LUZP2: variants seen among roughly 807,000 people sequenced by gnomAD.
The protein encoded by LUZP2 is leucine zipper protein 2.
Under a neutral mutation model 51.6 loss-of-function variants are expected in LUZP2, and 52 were observed. The observed-to-expected ratio is 1.01, with a 90% CI of 0.81 to 1.27. The LOEUF is 1.27. Among genes scored for constraint, LUZP2 ranks in the 50% most tolerant of loss-of-function variants. The pLI, the probability that LUZP2 is intolerant of heterozygous loss-of-function variation, is 0.00. For synonymous variants in LUZP2, 154 were observed against 137.3 expected, an observed-to-expected ratio of 1.12 and a Z score of -0.85; for missense variants, 436 against 395.4, an observed-to-expected ratio of 1.10 and a Z score of -0.87.
intron 9 of LUZP2, among the ~76,000 whole-genome samples, chr11:25,042,020 G>A (rs2134007747): frequency 1.3e-5 from 2 of 152,282 alleles, no homozygotes; most frequent in Middle Eastern, 6.8e-3. Flanking sequence ...CCCCATTCAT[G>A]GAAAAATTGT....
intron 9 of LUZP2, among the ~76,000 whole-genome samples, chr11:25,028,749 C>G (rs1320450352): frequency 6.6e-6 from 1 of 151,510 alleles, no homozygotes; most frequent in Admixed American, 6.6e-5. Context: ...TTTGAAAATC[C>G]AGTTCATCCA....
intron 7 of LUZP2, among the ~76,000 whole-genome samples, chr11:24,921,737 T>C (rs1158290544): frequency 6.6e-6 from 1 of 152,218 alleles, no homozygotes; most frequent in Non-Finnish European, 1.5e-5. Flanking sequence ...TGTGCATATA[T>C]TAAATGCATA....
chr11:24,599,910 A>G (rs1201223958), intron 1 of LUZP2, among the ~76,000 whole-genome samples: 1 of 152,156 alleles, frequency 6.6e-6, no homozygotes, highest in Non-Finnish European at 1.5e-5. Context: ...TTCACACATA[A>G]GCATGGGTTA....
intron 1 of LUZP2, among the ~76,000 whole-genome samples, chr11:24,543,518 TAC>T (rs1851443007): frequency 1.3e-5 from 2 of 152,148 alleles, no homozygotes; most frequent in South Asian, 4.2e-4. Flanking sequence ...CCTTGAGACA[TAC>T]AGTTTGTATT....
chr11:24,991,759 A>G (rs942088630), intron 9 of LUZP2, among the ~76,000 whole-genome samples: 3 of 152,032 alleles, frequency 2.0e-5, no homozygotes, highest in Non-Finnish European at 4.4e-5. Flanking sequence ...GATTATGGCC[A>G]TTCTTGCAGA....
chr11:24,976,046 C>T (rs754152138), intron 7 of LUZP2, among the ~76,000 whole-genome samples: 2 of 151,950 alleles, frequency 1.3e-5, no homozygotes, highest in Admixed American at 1.3e-4. Context: ...CCTTCTCTGT[C>T]TGCCCTCACT....
intron 5 of LUZP2, among the ~76,000 whole-genome samples, chr11:24,783,512 T>C (rs1849151736): frequency 6.6e-6 from 1 of 152,076 alleles, no homozygotes; most frequent in East Asian, 1.9e-4. Flanking sequence ...ATACTGTTTC[T>C]TCCAAGTAAG....
chr11:24,758,747 C>T (rs565629852), intron 4 of LUZP2, among the ~76,000 whole-genome samples: 3 of 152,044 alleles, frequency 2.0e-5, no homozygotes, highest in African/African-American at 7.2e-5. Context: ...CTTGACTAAA[C>T]ATCAAATTAC....
intron 7 of LUZP2, among the ~76,000 whole-genome samples, chr11:24,959,097 C>A (rs9704097): frequency 0.48 from 72,969 of 151,758 alleles, 17,926 homozygotes; most frequent in Middle Eastern, 0.51. Context: ...GGGCTCTGTT[C>A]TGTTCCATTG....
rs371957964 is a variant in LUZP2 at position 24,972,090 on chromosome 11, G to C, written c.523-4501G>C. Among the ~76,000 whole-genome samples, 5 of 130,912 alleles carry C rather than the reference G, an allele frequency of 3.8e-5. No individual in the cohort carries two copies. The East Asian group carries it at 1.4e-3, about 36-fold the overall frequency. The allele number at this position is 130,912 out of a possible 152,430, so 85.9% of individuals were successfully genotyped here. A position where few individuals can be genotyped will look rare whatever the true frequency, so the allele number is the denominator to read the frequency against. ...CCAGGAGGTGGAGTTGCAGTGAGCC[G>C]GGATCATGCTACTGCACTCCAGCCT... On this transcript the variant is annotated intron_variant, in intron 7 of 11. Coordinates refer to ENST00000336930, the MANE Select transcript of LUZP2 (RefSeq NM_001009909.4).
At chr11:25,049,872 G>A (rs1465599819) in intron 9 of LUZP2, among the ~76,000 whole-genome samples, 166 bp from the exon 10 acceptor site, 4 of 151,826 alleles carry the variant, frequency 2.6e-5, no homozygotes, top group Admixed American at 2.0e-4. Context: ...TATATTTTAT[G>A]GTCTCTGATA....
intron 1 of LUZP2, among the ~76,000 whole-genome samples, chr11:24,623,583 C>T (rs1028047989): frequency 2.6e-5 from 4 of 152,104 alleles, no homozygotes; most frequent in East Asian, 1.9e-4. Context: ...CAGTGGCTCA[C>T]GTTTGTAATC....
rs544156069 is a variant in LUZP2, at chr11:24,691,427, A to G, written c.63-37742A>G. Among the ~76,000 whole-genome samples the G allele has an allele frequency of 2.6e-5, 4 of 151,676 alleles. No individual in the cohort carries two copies. In the South Asian group the frequency reaches 6.3e-4, roughly 24 times the overall value. ...TGTGGTTAGTTTTGTAAAACTTGTG[A>G]ATCATTTTTTTCTCTTTCAAATAAA... is the stretch of plus-strand genomic sequence containing the variant. On this transcript the variant is annotated intron_variant, in intron 1 of 11. Transcript: ENST00000336930.
chr11:24,960,538 G>T (rs532946414), intron 7 of LUZP2, among the ~76,000 whole-genome samples: 2 of 152,208 alleles, frequency 1.3e-5, no homozygotes, highest in Admixed American at 1.3e-4. Flanking sequence ...TTGCGTAGAG[G>T]TGTTTGTAGT....
intron 7 of LUZP2, among the ~76,000 whole-genome samples, chr11:24,961,289 T>C (rs1855394285): frequency 1.3e-5 from 2 of 152,184 alleles, no homozygotes; most frequent in African/African-American, 4.8e-5. Context: ...TGAGTTCAAT[T>C]CCTCGGTATT....
intron 9 of LUZP2, among the ~76,000 whole-genome samples, chr11:25,049,430 A>G (rs943258525): frequency 6.6e-6 from 1 of 152,132 alleles, no homozygotes; most frequent in Admixed American, 6.6e-5. Context: ...TCTGACCAGA[A>G]CTAGGAAACA....
At chr11:24,571,901 T>C (rs1852455638) in intron 1 of LUZP2, among the ~76,000 whole-genome samples, 1 of 152,082 alleles carries the variant, frequency 6.6e-6, no homozygotes, top group Non-Finnish European at 1.5e-5. Flanking sequence ...CCTAGTAAGA[T>C]AATGTACTTC....
chr11:25,077,324 T>C lies in LUZP2; in HGVS notation c.859-5T>C. On this transcript the variant is annotated splice_region_variant and splice_polypyrimidine_tract_variant and intron_variant, in intron 10 of 11. Coordinates refer to ENST00000336930, the MANE Select transcript of LUZP2 (RefSeq NM_001009909.4). ...TTGATGTATTTTTAATTGCTACTTT[T>C]GTAGGAGGGCAGACCGTGTTCCATG... 1 of 1,609,564 alleles carries C rather than the reference T, an allele frequency of 6.2e-7. No homozygotes were observed. Among genetic ancestry groups the C allele is most frequent in the Non-Finnish European group, 8.5e-7 (1 of 1,176,310 alleles).
chr11:25,072,215 T>G (rs184881804), intron 10 of LUZP2, among the ~76,000 whole-genome samples: 1 of 152,216 alleles, frequency 6.6e-6, no homozygotes, highest in African/African-American at 2.4e-5. Context: ...TGCAGGCACT[T>G]TCCATCATTA....
Sources: gnomAD v4.1 joint callset for allele counts (sites outside exome capture counted in the v4.1 genomes callset) on GRCh38, gnomAD v4.1.1 for gene constraint, MANE v1.5 for transcripts, NCBI Gene and HGNC (gene_info 2026-07-23, HGNC 2026-07-21) for gene names.